Variants in ICA1L observed in about 807,000 individuals in gnomAD.
ICA1L encodes the protein islet cell autoantigen 1 like.
Under a neutral mutation model 61.3 loss-of-function variants are expected in ICA1L, and 50 were observed. The observed-to-expected ratio is 0.82, with a 90% CI of 0.65 to 1.03. The LOEUF is 1.03. Among genes scored for constraint, ICA1L ranks in the 50% least tolerant of loss-of-function variants. The pLI, the probability that ICA1L is intolerant of heterozygous loss-of-function variation, is 0.00. For missense variants in ICA1L, 508 were observed against 556.7 expected, an observed-to-expected ratio of 0.91 and a Z score of 0.88; for synonymous variants, 161 against 191.3, an observed-to-expected ratio of 0.84 and a Z score of 1.31.
chr2:202,851,327 T>C (rs1404228636), intron 1 of ICA1L, among the ~76,000 whole-genome samples: 4 of 152,138 alleles, frequency 2.6e-5, no homozygotes, highest in Non-Finnish European at 2.9e-5. Context: ...CATGTCCCTA[T>C]AAAGGACATG....
intron 1 of ICA1L, among the ~76,000 whole-genome samples, chr2:202,838,064 G>A (rs1694204516): frequency 6.6e-6 from 1 of 151,978 alleles, no homozygotes; most frequent in Admixed American, 6.6e-5. Flanking sequence ...ATGTTGGCCA[G>A]GCTGATCTCG....
chr2:202,837,860 T>A (rs778572504), intron 1 of ICA1L, among the ~76,000 whole-genome samples: 1 of 152,318 alleles, frequency 6.6e-6, no homozygotes, highest in Middle Eastern at 3.4e-3. Flanking sequence ...AAGATTTTAT[T>A]TATTTGTCTT....
rs115831835 is a variant in ICA1L at position 202,778,616 on chromosome 2, T to C, written c.*917A>G. On this transcript the variant is annotated 3_prime_UTR_variant, in exon 13 of 13. Transcript: ENST00000358299. Reference sequence around the variant, plus strand: ...TTCATAAGTGTCTCCCTCATTCAGATAGAAATTTCTAGGTATTTCAGGAAT... The same window carrying C: ...TTCATAAGTGTCTCCCTCATTCAGACAGAAATTTCTAGGTATTTCAGGAAT... 627 of 152,546 alleles carry C rather than the reference T, an allele frequency of 4.1e-3. 5 individuals are homozygous for C. Among genetic ancestry groups the C allele is most frequent in the Non-Finnish European group, 4.6e-3 (312 of 68,028 alleles). 9.4% of individuals were successfully genotyped at this position (152,546 alleles called of 1,614,324 possible).
chr2:202,827,723 A>G (rs1693888715), intron 2 of ICA1L, among the ~76,000 whole-genome samples: 1 of 152,186 alleles, frequency 6.6e-6, no homozygotes, highest in South Asian at 2.1e-4. Flanking sequence ...CAATAATAAT[A>G]AAGTCTTCAT....
At chr2:202,860,298 G>GATAATA (rs10528964) in intron 1 of ICA1L, 2 of 102,468 alleles carry the variant, frequency 2.0e-5, no homozygotes, top group Non-Finnish European at 4.2e-5. Context: ...TAATAATAAT[G>GATAATA]ATAATAATAA....
At chr2:202,823,202 C>CA (rs1353425100) in intron 3 of ICA1L, among the ~76,000 whole-genome samples, 1 of 152,066 alleles carries the variant, frequency 6.6e-6, no homozygotes, top group Non-Finnish European at 1.5e-5. Context: ...ACCTGCCTGC[C>CA]AAAATCTACA....
Position 202,858,418 on chromosome 2 carries a change from C to A in ICA1L, c.-8+13201G>T, listed in dbSNP as rs1048341124. ...TTCTCACTCAGAAGTGGGAGTTGAACAATGAGAACACATGGACACAGGGAG... is the reference window on the plus strand; with the variant it reads ...TTCTCACTCAGAAGTGGGAGTTGAAAAATGAGAACACATGGACACAGGGAG... On this transcript the variant is annotated intron_variant, in intron 1 of 12. Transcript: ENST00000358299. 2.0e-5 allele frequency among the ~76,000 whole-genome samples: 3 copies of A among 152,222 alleles called. No individual in the cohort carries two copies. The East Asian group carries it at 5.8e-4, about 29-fold the overall frequency.
At chr2:202,864,647 G>GTGTGTGTGTGTGTATA (rs1553539143) in intron 1 of ICA1L, among the ~76,000 whole-genome samples, 8 of 148,752 alleles carry the variant, frequency 5.4e-5, no homozygotes, top group African/African-American at 2.0e-4. Context: ...GTGTGTGTGT[G>GTGTGTGTGTGTGTATA]TATATATATA....
At chr2:202,798,650 TC>T (rs1251537174) in intron 9 of ICA1L, among the ~76,000 whole-genome samples, 1 of 152,222 alleles carries the variant, frequency 6.6e-6, no homozygotes, top group Non-Finnish European at 1.5e-5. Context: ...AGTGTGTTTG[TC>T]ATCTGAGTAC....
rs191841919 is a variant in ICA1L at position 202,869,661 on chromosome 2, T to C, written c.-8+1958A>G. The stretch of plus-strand genomic sequence containing the variant: ...TTGTTAATGTCGGCCTCTGTAAATA[T>C]AGATATTGTGTTACTTTAGTCTTTT... On this transcript the variant is annotated intron_variant, in intron 1 of 12. Transcript: ENST00000358299. 4 of 152,292 alleles carry C rather than the reference T, an allele frequency of 2.6e-5. No homozygotes were observed. The East Asian group carries it at 5.8e-4, about 22-fold the overall frequency. 9.4% of individuals were successfully genotyped at this position (152,292 alleles called of 1,614,324 possible). A position where few individuals can be genotyped will look rare whatever the true frequency, so the allele number is the denominator to read the frequency against.
intron 9 of ICA1L, among the ~76,000 whole-genome samples, chr2:202,804,019 C>T (rs1357188201): frequency 6.6e-6 from 1 of 152,042 alleles, no homozygotes; most frequent in Non-Finnish European, 1.5e-5. Context: ...AGACTAACTT[C>T]CTTCAAGCCT....
intron 1 of ICA1L, among the ~76,000 whole-genome samples, chr2:202,829,769 G>A (rs916377063): frequency 1.3e-5 from 2 of 152,102 alleles, no homozygotes; most frequent in Non-Finnish European, 2.9e-5. Context: ...TTGCAGTTAT[G>A]TCTAGAAAAA....
At chr2:202,808,114 T>G (rs1052805962) in intron 9 of ICA1L, among the ~76,000 whole-genome samples, 5 of 152,068 alleles carry the variant, frequency 3.3e-5, no homozygotes, top group Non-Finnish European at 5.9e-5. Context: ...AAGGAACTTT[T>G]TATTGCAGCT....
In ICA1L at chr2:202,788,861, G is replaced by A; in HGVS notation, c.1212C>T (p.Asp404=). The change falls in exon 11 of 13, where the codon GAC becomes GAT. Residue 404 remains aspartate, a synonymous_variant. Coordinates refer to ENST00000358299, the MANE Select transcript of ICA1L (RefSeq NM_001288622.3). ...SSRFLPSQLF[D]LGFHVAGAFN... is the part of the protein sequence containing the mutation. ...ACGCTCCAGCCACATGAAAGCCAAG[G>A]TCAAAGAGTTGTGAAGGAAGGAATC... The A allele has an allele frequency of 6.2e-7, 1 of 1,614,086 alleles. No homozygotes were observed. The highest frequency in any genetic ancestry group is 8.5e-7 in the Non-Finnish European group (1 of 1,180,006).
At chr2:202,801,987 A>G (rs1321760914) in intron 9 of ICA1L, among the ~76,000 whole-genome samples, 2 of 152,242 alleles carry the variant, frequency 1.3e-5, no homozygotes, top group Non-Finnish European at 2.9e-5. Context: ...TAAAGAAACA[A>G]GCTACCACAA....
rs1373379854 is a variant in ICA1L at position 202,807,087 on chromosome 2, CT to C, written c.910+4658del. 2.0e-5 allele frequency among the ~76,000 whole-genome samples: 3 copies of C among 152,220 alleles called. No individual in the cohort carries two copies. The East Asian group carries it at 5.8e-4, about 29-fold the overall frequency. ...GAACTCTCCAGCCATCATTTCCCCC[CT>C]GTACCCCACAGGAACAACAAATTGA... is the stretch of plus-strand genomic sequence containing the variant. On this transcript the variant is annotated intron_variant, in intron 9 of 12. Coordinates refer to ENST00000358299, the MANE Select transcript of ICA1L (RefSeq NM_001288622.3).
At chr2:202,869,933 G>A (rs1027168829) in intron 1 of ICA1L, among the ~76,000 whole-genome samples, 3 of 151,972 alleles carry the variant, frequency 2.0e-5, no homozygotes, top group Non-Finnish European at 4.4e-5. Context: ...AAATGGAAGA[G>A]GGTAATAAGA....
At chr2:202,807,722 T>G (rs1446267416) in intron 9 of ICA1L, among the ~76,000 whole-genome samples, 1 of 151,906 alleles carries the variant, frequency 6.6e-6, no homozygotes, top group South Asian at 2.1e-4. Context: ...CCTTTCTGCT[T>G]GAGGAGAGGA....
intron 1 of ICA1L, among the ~76,000 whole-genome samples, chr2:202,836,882 C>T (rs923603742): frequency 2.4e-5 from 3 of 123,988 alleles, no homozygotes; most frequent in African/African-American, 8.7e-5. Flanking sequence ...CATTTGGATG[C>T]CCAGGCTGGA....
Sources: gnomAD v4.1 joint callset for allele counts (sites outside exome capture counted in the v4.1 genomes callset) on GRCh38, gnomAD v4.1.1 for gene constraint, MANE v1.5 for transcripts, NCBI Gene and HGNC (gene_info 2026-07-23, HGNC 2026-07-21) for gene names.